The following BST1 variants were observed in gnomAD, a reference collection of about 807,000 sequenced individuals.
BST1 encodes bone marrow stromal cell antigen 1.
In BST1, 49 loss-of-function variants were observed where a neutral mutation model predicts 40.6. That is an observed-to-expected ratio of 1.21 (90% CI 0.96 to 1.53). The LOEUF (loss-of-function observed/expected upper bound fraction) is 1.53. Ranked by LOEUF, BST1 falls within the 40% of genes most tolerant of loss-of-function variation. BST1 has a pLI of 0.00. For synonymous variants in BST1, 157 were observed against 159.3 expected (o/e 0.99, Z 0.11); for missense variants, 423 against 395.9 (o/e 1.07, Z -0.58).
At chr4:15,727,517 C>A (rs890050237) in intron 8 of BST1, among the ~76,000 whole-genome samples, 1 of 152,136 alleles carries the variant, frequency 6.6e-6, no homozygotes, top group African/African-American at 2.4e-5. Flanking sequence ...AGCAAATATA[C>A]AAAATTATTT....
At chr4:15,722,145 C>T (rs995840311) in intron 7 of BST1, among the ~76,000 whole-genome samples, 54 of 152,168 alleles carry the variant, frequency 3.5e-4, no homozygotes, top group African/African-American at 1.2e-3. Context: ...AACCTTCTGC[C>T]CAAAGTACTT....
rs1011131481 is a variant in BST1 at position 15,703,071 on chromosome 4, T to C, written c.-74T>C. Reference sequence around the variant, plus strand: ...AGCGAGAGTCCCGCCCTGCATCAGTTTGCGGAACCGCCTTGGTAGAAGGAG... The same window carrying C: ...AGCGAGAGTCCCGCCCTGCATCAGTCTGCGGAACCGCCTTGGTAGAAGGAG... On this transcript the variant is annotated 5_prime_UTR_variant, in exon 1 of 9. Coordinates refer to ENST00000265016, the MANE Select transcript of BST1 (RefSeq NM_004334.3). 10 of 1,480,774 alleles carry C rather than the reference T, an allele frequency of 6.8e-6. No homozygotes were observed. The highest frequency in any genetic ancestry group is 8.9e-6 in the Non-Finnish European group (10 of 1,123,972). The allele number at this position is 1,480,774 out of a possible 1,614,324, so 91.7% of individuals were successfully genotyped here. A position where few individuals can be genotyped will look rare whatever the true frequency, so the allele number is the denominator to read the frequency against.
chr4:15,771,922 T>C, the BST1 span, among the ~76,000 whole-genome samples: 1 of 152,330 alleles, frequency 6.6e-6, no homozygotes, highest in South Asian at 2.1e-4. Context: ...TGGTGTTTAA[T>C]GTCTTCAACA....
intron 7 of BST1, 89 bp downstream of exon 7, chr4:15,719,082 A>G (rs1720666156): frequency 2.7e-6 from 3 of 1,119,878 alleles, no homozygotes; most frequent in South Asian, 1.5e-5. Context: ...GATGGCTCTC[A>G]GCTCTGAAGG....
chr4:15,707,577 C>G lies in BST1; in HGVS notation c.382C>G (p.Pro128Ala), dbSNP rs556998370. 21 of 1,613,806 alleles carry G rather than the reference C, an allele frequency of 1.3e-5. No homozygotes were observed. Among genetic ancestry groups the G allele is most frequent in the Non-Finnish European group, 1.8e-5 (21 of 1,179,938 alleles). Reference protein sequence around the residue: ...SFADNTRRFMPLSDVLYGRVA... With the variant: ...SFADNTRRFMALSDVLYGRVA... ...TGCAGACAACACCCGTCGTTTTATGCCCCTGAGCGATGTTCTGTATGGCAG... is the reference window on the plus strand; with the variant it reads ...TGCAGACAACACCCGTCGTTTTATGGCCCTGAGCGATGTTCTGTATGGCAG... The change falls in exon 3 of 9, where the codon CCC becomes GCC. Residue 128 changes from proline to alanine, a missense_variant. Coordinates refer to ENST00000265016, the MANE Select transcript of BST1 (RefSeq NM_004334.3).
the BST1 span, among the ~76,000 whole-genome samples, chr4:15,770,578 G>A: frequency 6.6e-6 from 1 of 151,976 alleles, no homozygotes; most frequent in Non-Finnish European, 1.5e-5. Context: ...AGTGGCACGT[G>A]CCTCCCAGCT....
At chr4:15,772,415 A>G in the BST1 span, among the ~76,000 whole-genome samples, 15 of 152,352 alleles carry the variant, frequency 9.8e-5, no homozygotes, top group East Asian at 2.9e-3. Context: ...GGCAAAACCC[A>G]CATTTCTCAG....
intron 6 of BST1, among the ~76,000 whole-genome samples, chr4:15,718,706 T>A (rs1271104459): frequency 1.3e-5 from 2 of 152,176 alleles, no homozygotes; most frequent in Admixed American, 6.5e-5. Context: ...GGCCCGGTGC[T>A]GGGGTCCTCA....
intron 8 of BST1, 139 bp from the exon 9 acceptor site, chr4:15,731,601 G>C: frequency 8.3e-7 from 1 of 1,201,650 alleles, no homozygotes; most frequent in Admixed American, 2.0e-5. Context: ...CCTCCTACGG[G>C]GTGTCACGGG....
chr4:15,719,093 C>A, intron 7 of BST1, 100 bp downstream of exon 7: 3 of 1,010,158 alleles, frequency 3.0e-6, no homozygotes, highest in Non-Finnish European at 2.9e-6. Flanking sequence ...GCTCTGAAGG[C>A]CATGGTGTCT....
At chr4:15,720,329 C>G in intron 7 of BST1, among the ~76,000 whole-genome samples, 1 of 152,070 alleles carries the variant, frequency 6.6e-6, no homozygotes, top group East Asian at 1.9e-4. Context: ...AAAAAACATT[C>G]AATTCTTGGC....
the BST1 span, among the ~76,000 whole-genome samples, chr4:15,766,164 G>C: frequency 6.6e-6 from 1 of 151,964 alleles, no homozygotes; most frequent in South Asian, 2.1e-4. Context: ...GTTGGGGATG[G>C]AGGTAGGGTG....
chr4:15,703,992 G>A (rs866250691), intron 1 of BST1, among the ~76,000 whole-genome samples: 12 of 138,274 alleles, frequency 8.7e-5, no homozygotes, highest in African/African-American at 1.4e-4. Flanking sequence ...GAGGTGAGAT[G>A]TGTGTGTGTG....
At chr4:15,739,459 T>G (rs1211537813), downstream of BST1, among the ~76,000 whole-genome samples, 1 of 152,166 alleles carries the variant, frequency 6.6e-6, no homozygotes, top group African/African-American at 2.4e-5. Flanking sequence ...ACTTCTTTTA[T>G]CATGTAGCTA....
Position 15,731,880 on chromosome 4 carries a change from CT to C in BST1, c.*36del. 1 of 1,594,314 alleles carries C rather than the reference CT, an allele frequency of 6.3e-7. No individual in the cohort carries two copies. The highest frequency in any genetic ancestry group is 8.5e-7 in the Non-Finnish European group (1 of 1,169,682). On this transcript the variant is annotated 3_prime_UTR_variant, in exon 9 of 9. Coordinates refer to ENST00000265016, the MANE Select transcript of BST1 (RefSeq NM_004334.3). ...GTGTTGCTCTAACCCTCCTCCAGCC[CT>C]GCAGCCTCCCCTTGCAGTCATCATT... is the stretch of plus-strand genomic sequence containing the variant.
At chr4:15,749,642 T>A in the BST1 span, among the ~76,000 whole-genome samples, 2 of 152,178 alleles carry the variant, frequency 1.3e-5, no homozygotes, top group African/African-American at 4.8e-5. Flanking sequence ...GTAGCACAGG[T>A]GTCATTCACA....
At chr4:15,756,378 A>G in the BST1 span, among the ~76,000 whole-genome samples, 1 of 152,262 alleles carries the variant, frequency 6.6e-6, no homozygotes, top group Non-Finnish European at 1.5e-5. Context: ...CTCATTTTCA[A>G]TCGTGGTTTG....
the BST1 span, among the ~76,000 whole-genome samples, chr4:15,774,016 T>C: frequency 6.6e-6 from 1 of 152,120 alleles, no homozygotes; most frequent in Non-Finnish European, 1.5e-5. Context: ...TATTTGAAGA[T>C]AGGGTAATAG....
the BST1 span, among the ~76,000 whole-genome samples, chr4:15,768,539 T>C: frequency 4.2e-5 from 6 of 144,432 alleles, no homozygotes; most frequent in Non-Finnish European, 7.5e-5. Context: ...CAGGCCGGAC[T>C]GCGGACTGCA....
Sources: allele counts gnomAD v4.1 joint callset (sites outside exome capture counted in the v4.1 genomes callset), GRCh38; gene constraint gnomAD v4.1.1; transcripts MANE v1.5; gene names NCBI Gene and HGNC (gene_info 2026-07-23, HGNC 2026-07-21).